Variants in CC2D2A observed in about 807,000 individuals in gnomAD.
CC2D2A encodes coiled-coil and C2 domain containing 2A.
Under a neutral mutation model 212.9 loss-of-function variants are expected in CC2D2A, and 155 were observed. The observed-to-expected ratio is 0.73, with a 90% CI of 0.64 to 0.83. The LOEUF is 0.83. Ranked by LOEUF, CC2D2A falls within the 40% of genes least tolerant of loss-of-function variation. The probability of loss-of-function intolerance (pLI) is 0.00; values close to 1 mark genes in which losing one functional copy is unlikely to be tolerated. For missense variants in CC2D2A, 1,856 were observed against 1,956.2 expected, an observed-to-expected ratio of 0.95 and a Z score of 0.97; for synonymous variants, 667 against 686.5, an observed-to-expected ratio of 0.97 and a Z score of 0.44.
At chr4:15,514,610 AG>A (rs1716753175) in intron 8 of CC2D2A, 96 bp from the exon 9 acceptor site, 1 of 897,678 alleles carries the variant, frequency 1.1e-6, no homozygotes, top group Non-Finnish European at 1.6e-6. Context: ...ATAAAGTTGT[AG>A]GAAATGTTAA....
chr4:15,493,269 T>TTAC (rs1553822164), intron 4 of CC2D2A, among the ~76,000 whole-genome samples: 8,847 of 150,614 alleles, frequency 0.059, 737 homozygotes, highest in African/African-American at 0.19. Context: ...TATTTATTTA[T>TTAC]TTACTTACTT....
At chr4:15,598,259 T>G (rs1440866468) in intron 35 of CC2D2A, among the ~76,000 whole-genome samples, 1 of 152,188 alleles carries the variant, frequency 6.6e-6, no homozygotes, top group Admixed American at 6.5e-5. Context: ...CAGACCATCT[T>G]GAAATCCAAA....
chr4:15,517,747 T>C (rs1178511316), intron 11 of CC2D2A, among the ~76,000 whole-genome samples: 1 of 152,180 alleles, frequency 6.6e-6, no homozygotes, highest in African/African-American at 2.4e-5. Context: ...ACGCTGCTGA[T>C]AAAGGCATAC....
chr4:15,489,276 G>C (rs1360190991), intron 4 of CC2D2A, among the ~76,000 whole-genome samples: 1 of 152,126 alleles, frequency 6.6e-6, no homozygotes, highest in Non-Finnish European at 1.5e-5. Context: ...GGGGTGGGAG[G>C]GGAATGTTAT....
At chr4:15,548,492 C>A (rs1718823308) in intron 17 of CC2D2A, among the ~76,000 whole-genome samples, 1 of 151,866 alleles carries the variant, frequency 6.6e-6, no homozygotes. Context: ...AAACAAGGTA[C>A]CACTCCGAAA....
intron 30 of CC2D2A, among the ~76,000 whole-genome samples, chr4:15,581,171 G>A (rs898980871): frequency 6.6e-6 from 1 of 152,020 alleles, no homozygotes; most frequent in Admixed American, 6.6e-5. Context: ...ATATCTTTTT[G>A]TAGATATAGA....
At chr4:15,580,350 C>G (rs1720606644) in intron 30 of CC2D2A, among the ~76,000 whole-genome samples, 179 bp downstream of exon 30, 1 of 152,070 alleles carries the variant, frequency 6.6e-6, no homozygotes, top group African/African-American at 2.4e-5. Context: ...TTAGAAAAGT[C>G]TGAAGGCAGC....
rs1716491305 is a variant in CC2D2A, at chr4:15,510,206, A to G, written c.506A>G (p.His169Arg). 1 of 1,612,972 alleles carries G rather than the reference A, an allele frequency of 6.2e-7. No homozygotes were observed. Among genetic ancestry groups the G allele is most frequent in the Non-Finnish European group, 8.5e-7 (1 of 1,179,610 alleles). The stretch of plus-strand genomic sequence containing the variant: ...CAAAGTTACTCAAGAGTCAAGTTCC[A>G]TGATTCTGCACGAAAAATCAAGCCT... The part of the protein sequence containing the change: ...DSQSYSRVKF[H>R]DSARKIKPKP... Residue 169 changes from histidine (H) to arginine (R), a missense_variant, in exon 7 of 37, where the codon CAT becomes CGT. Physicochemically the swap from His to Arg is conservative, Grantham distance 29. Around this residue, in one of 5 missense-constraint regions of CC2D2A, gnomAD observed 1,512 missense variants for 1,579.3 expected, o/e 0.96. Coordinates refer to ENST00000424120, the MANE Select transcript of CC2D2A (RefSeq NM_001378615.1).
intron 4 of CC2D2A, among the ~76,000 whole-genome samples, chr4:15,497,434 G>A (rs1472049997): frequency 2.0e-5 from 3 of 152,104 alleles, no homozygotes; most frequent in Non-Finnish European, 4.4e-5. Context: ...AGAAGTAAAA[G>A]GTAGTTCAGG....
In CC2D2A at chr4:15,570,487, C is replaced by T. The variant is rs780885857; in HGVS notation, c.3585C>T (p.Phe1195=). ...AAATGCCATTTAGCACAATATATTTCCAAGCAAGGGTAAGTATCTAAAGTT... is the reference window on the plus strand; with the variant it reads ...AAATGCCATTTAGCACAATATATTTTCAAGCAAGGGTAAGTATCTAAAGTT... ...CVKMPFSTIY[F]QARIDGTFKI... Residue 1195 remains phenylalanine, a synonymous_variant, in exon 28 of 37, where the codon TTC becomes TTT. Transcript: ENST00000424120. 3 of 1,597,052 alleles carry T rather than the reference C, an allele frequency of 1.9e-6. No individual in the cohort carries two copies. Among genetic ancestry groups the T allele is most frequent in the Non-Finnish European group, 1.7e-6 (2 of 1,168,192 alleles).
In CC2D2A at chr4:15,515,998, G is replaced by C; in HGVS notation, c.1011G>C (p.Gln337His). Residue 337 changes from glutamine to histidine, a missense_variant, in exon 10 of 37, where the codon CAG becomes CAC. Physicochemically the swap from Gln to His is conservative, Grantham distance 24 (BLOSUM62 0). Around this residue, in one of 5 missense-constraint regions of CC2D2A, gnomAD observed 1,512 missense variants for 1,579.3 expected, o/e 0.96. Coordinates refer to ENST00000424120, the MANE Select transcript of CC2D2A (RefSeq NM_001378615.1). The part of the protein sequence containing the change: ...QNIMENRLLM[Q>H]DPERRWFGDD... Reference sequence around the variant, plus strand: ...TCATGGAGAACAGATTGCTGATGCAGGACCCCGTAAGTGTGCACCCTCTGC... The same window carrying C: ...TCATGGAGAACAGATTGCTGATGCACGACCCCGTAAGTGTGCACCCTCTGC... The C allele has an allele frequency of 6.3e-7, 1 of 1,592,278 alleles. No individual in the cohort carries two copies. The highest frequency in any genetic ancestry group is 8.6e-7 in the Non-Finnish European group (1 of 1,169,236).
chr4:15,482,340 C>G (rs1029914248), intron 4 of CC2D2A: 7 of 963,148 alleles, frequency 7.3e-6, no homozygotes, highest in Non-Finnish European at 8.6e-6. Context: ...TCATTTCAGG[C>G]TGCCATAACA....
chr4:15,555,362 T>C (rs1041632309), intron 20 of CC2D2A, among the ~76,000 whole-genome samples, 152 bp downstream of exon 20: 4 of 152,206 alleles, frequency 2.6e-5, no homozygotes, highest in African/African-American at 9.7e-5. Context: ...TGCCTGGCTA[T>C]GGGACCCAGG....
intron 11 of CC2D2A, among the ~76,000 whole-genome samples, chr4:15,520,284 AAATGT>A (rs559959286): frequency 6.6e-6 from 1 of 152,354 alleles, no homozygotes; most frequent in South Asian, 2.1e-4. Flanking sequence ...CTTTGTACAG[AAATGT>A]GATCCTGGAG....
At chr4:15,476,403 T>C (rs1233082750) in intron 2 of CC2D2A, among the ~76,000 whole-genome samples, 3 of 152,248 alleles carry the variant, frequency 2.0e-5, no homozygotes, top group Admixed American at 6.5e-5. Flanking sequence ...TTTACTAAGA[T>C]TGCAGTTTGT....
intron 28 of CC2D2A, 107 bp from the exon 29 acceptor site, chr4:15,574,043 T>G (rs922852263): frequency 1.1e-6 from 1 of 903,888 alleles, no homozygotes; most frequent in Non-Finnish European, 1.7e-6. Context: ...AATGCCAGTC[T>G]GAGCAATTTT....
At chr4:15,498,381 TCA>T (rs1282699369) in intron 4 of CC2D2A, among the ~76,000 whole-genome samples, 1 of 152,230 alleles carries the variant, frequency 6.6e-6, no homozygotes, top group Non-Finnish European at 1.5e-5. Context: ...ATTATTTTCA[TCA>T]CACTTTGCAT....
intron 13 of CC2D2A, among the ~76,000 whole-genome samples, chr4:15,531,964 G>T (rs1403778262): frequency 1.3e-5 from 2 of 152,108 alleles, no homozygotes; most frequent in East Asian, 1.9e-4. Context: ...ATCGGGCAAG[G>T]TTCTAAGCAC....
rs180869557 is a variant in CC2D2A, at chr4:15,485,769, T to C, written c.247+4942T>C. Among the ~76,000 whole-genome samples, 150 of 152,334 alleles carry C rather than the reference T, an allele frequency of 9.8e-4. 1 individual carries two copies. The highest frequency in any genetic ancestry group is 1.6e-4 in the Non-Finnish European group (11 of 68,022). ...ACCTGTTGGCCATTTGTATGTCTTC[T>C]TTTGAGAAATGTCTATCAATGTTTT... On this transcript the variant is annotated intron_variant, in intron 4 of 36. Transcript: ENST00000424120.
Sources: allele counts gnomAD v4.1 joint callset (sites outside exome capture counted in the v4.1 genomes callset), GRCh38; gene constraint gnomAD v4.1.1; regional missense constraint gnomAD v4.1.1; transcripts MANE v1.5; gene names NCBI Gene and HGNC (gene_info 2026-07-23, HGNC 2026-07-21).